RPS6KA5: variants seen among roughly 807,000 people sequenced by gnomAD.
RPS6KA5 encodes ribosomal protein S6 kinase A5, also known as ribosomal protein S6 kinase alpha-5.
A neutral mutation model predicts 85.5 loss-of-function variants in RPS6KA5; 27 were observed. That is an observed-to-expected ratio of 0.32 (90% CI 0.23 to 0.44). The LOEUF (loss-of-function observed/expected upper bound fraction) is 0.44, where lower values mean the gene tolerates loss of function less well. Among genes scored for constraint, RPS6KA5 ranks in the 20% least tolerant of loss-of-function variants. The pLI, the probability that RPS6KA5 is intolerant of heterozygous loss-of-function variation, is 1.00. For synonymous variants in RPS6KA5, 334 were observed against 348.2 expected (o/e 0.96, Z 0.46); for missense variants, 811 against 980.9 (o/e 0.83, Z 2.31).
Position 91,060,556 on chromosome 14 carries a change from G to C in RPS6KA5, c.-122C>G, listed in dbSNP as rs2043629347. The C allele has an allele frequency of 2.5e-6, 3 of 1,180,088 alleles. No individual in the cohort carries two copies. The highest frequency in any genetic ancestry group is 2.5e-4 in the Middle Eastern group (1 of 3,972). The allele number at this position is 1,180,088 out of a possible 1,614,324, so 73.1% of individuals were successfully genotyped here. ...TCGGGGTGCGGCGGCTCCAGAACTC[G>C]GACGCAAAGACGAGTCTCTTTCCCG... is the stretch of plus-strand genomic sequence containing the variant. On this transcript the variant is annotated 5_prime_UTR_variant, in exon 1 of 17. Coordinates refer to ENST00000614987, the MANE Select transcript of RPS6KA5 (RefSeq NM_004755.4).
chr14:90,910,422 G>C (rs2035739998), intron 7 of RPS6KA5, among the ~76,000 whole-genome samples: 1 of 152,098 alleles, frequency 6.6e-6, no homozygotes, highest in Non-Finnish European at 1.5e-5. Context: ...TACATAGGCA[G>C]ACAGGAAATA....
intron 3 of RPS6KA5, among the ~76,000 whole-genome samples, chr14:90,967,399 A>G (rs1303592640): frequency 6.6e-6 from 1 of 152,060 alleles, no homozygotes; most frequent in Non-Finnish European, 1.5e-5. Context: ...GGCATTTGTT[A>G]AATAATAACT....
rs568962451 is a variant in RPS6KA5, at chr14:90,974,004, C to T, written c.394+4302G>A. 2.5e-5 allele frequency among the ~76,000 whole-genome samples: 3 copies of T among 117,818 alleles called. No homozygotes were observed. The South Asian group carries it at 8.3e-4, about 33-fold the overall frequency. 77.3% of individuals were successfully genotyped at this position (117,818 alleles called of 152,430 possible). ...AGTGGGCCAAGATTGCACCACTGCA[C>T]TACAGTCAAGGTGACAGAGTGAGAC... is the stretch of plus-strand genomic sequence containing the variant. On this transcript the variant is annotated intron_variant, in intron 3 of 16. Coordinates refer to ENST00000614987, the MANE Select transcript of RPS6KA5 (RefSeq NM_004755.4).
At chr14:90,923,034 G>A (rs2036483471) in intron 6 of RPS6KA5, 79 bp downstream of exon 6, 1 of 1,027,894 alleles carries the variant, frequency 9.7e-7, no homozygotes, top group Non-Finnish European at 1.5e-6. Flanking sequence ...CTGTTGAAGA[G>A]ATGACCTAAG....
intron 4 of RPS6KA5, among the ~76,000 whole-genome samples, chr14:90,946,845 T>C (rs951429763): frequency 1.1e-4 from 17 of 152,338 alleles, no homozygotes; most frequent in African/African-American, 3.8e-4. Flanking sequence ...TTTCTTACAG[T>C]TTAAACTGAT....
chr14:90,862,387 G>T lies in RPS6KA5; in HGVS notation c.*9687C>A. The T allele has an allele frequency of 6.6e-6, 1 of 151,804 alleles. No homozygotes were observed. The highest frequency in any genetic ancestry group is 2.1e-4 in the South Asian group (1 of 4,826). The allele number at this position is 151,804 out of a possible 1,614,324, so 9.4% of individuals were successfully genotyped here. ...CAGAATAATCTTGATACCAAAACTTGACAAAAATATTAAAGACAGAAAAAT... is the reference window on the plus strand; with the variant it reads ...CAGAATAATCTTGATACCAAAACTTTACAAAAATATTAAAGACAGAAAAAT... On this transcript the variant is annotated 3_prime_UTR_variant, in exon 17 of 17. Coordinates refer to ENST00000614987, the MANE Select transcript of RPS6KA5 (RefSeq NM_004755.4).
chr14:91,024,807 T>G (rs1304531345), intron 1 of RPS6KA5, among the ~76,000 whole-genome samples: 1 of 152,228 alleles, frequency 6.6e-6, no homozygotes, highest in Non-Finnish European at 1.5e-5. Flanking sequence ...ACATTTTCTC[T>G]TTCTGAGAAT....
rs1288879700 is a variant in RPS6KA5, at chr14:90,855,996, A to G, written c.*16078T>C. On this transcript the variant is annotated 3_prime_UTR_variant, in exon 17 of 17. Coordinates refer to ENST00000614987, the MANE Select transcript of RPS6KA5 (RefSeq NM_004755.4). ...AAAGGCCGGTGCTCCCATTATTATA[A>G]TGAGTCCCAAAGTAAGAAATTAAAC... is the stretch of plus-strand genomic sequence containing the variant. 6.6e-6 allele frequency: 1 copy of G among 152,172 alleles called. No individual in the cohort carries two copies. The highest frequency in any genetic ancestry group is 1.5e-5 in the Non-Finnish European group (1 of 68,048). The allele number at this position is 152,172 out of a possible 1,614,324, so 9.4% of individuals were successfully genotyped here.
intron 1 of RPS6KA5, among the ~76,000 whole-genome samples, chr14:91,020,042 A>G (rs573417172): frequency 6.6e-6 from 1 of 152,342 alleles, no homozygotes; most frequent in African/African-American, 2.4e-5. Flanking sequence ...CTGGAGCACA[A>G]TGGCAAGTAT....
At chr14:90,927,256 C>T (rs141656601) in intron 5 of RPS6KA5, among the ~76,000 whole-genome samples, 15 of 151,780 alleles carry the variant, frequency 9.9e-5, no homozygotes, top group Non-Finnish European at 1.5e-4. Context: ...GACCATTAGG[C>T]GGACATGAAA....
intron 3 of RPS6KA5, among the ~76,000 whole-genome samples, chr14:90,952,854 C>G (rs1260092018): frequency 6.6e-6 from 1 of 152,212 alleles, no homozygotes; most frequent in Non-Finnish European, 1.5e-5. Flanking sequence ...GGCTCTCAAG[C>G]TCATTTATCC....
intron 1 of RPS6KA5, among the ~76,000 whole-genome samples, chr14:91,033,861 A>G (rs777769003): frequency 6.6e-6 from 1 of 152,206 alleles, no homozygotes; most frequent in Non-Finnish European, 1.5e-5. Flanking sequence ...AATAGGGAAA[A>G]AGAAAACTCA....
At chr14:90,944,280 G>A (rs562040008) in intron 4 of RPS6KA5, among the ~76,000 whole-genome samples, 1 of 152,236 alleles carries the variant, frequency 6.6e-6, no homozygotes, top group East Asian at 1.9e-4. Context: ...ATATGAGAAA[G>A]TTCTTAATAA....
chr14:90,906,820 C>A (rs2035531702), intron 7 of RPS6KA5, among the ~76,000 whole-genome samples: 2 of 151,766 alleles, frequency 1.3e-5, no homozygotes, highest in African/African-American at 4.8e-5. Flanking sequence ...GGGGTCAGAC[C>A]CACTTGGAGA....
chr14:90,964,639 T>C (rs1595354712), intron 3 of RPS6KA5, among the ~76,000 whole-genome samples: 1 of 152,092 alleles, frequency 6.6e-6, no homozygotes, highest in East Asian at 1.9e-4. Flanking sequence ...TGAGGCTGCA[T>C]GTGGTGGCTC....
At chr14:90,987,772 C>A (rs1006952113) in intron 2 of RPS6KA5, among the ~76,000 whole-genome samples, 2 of 152,126 alleles carry the variant, frequency 1.3e-5, no homozygotes, top group East Asian at 3.8e-4. Flanking sequence ...AAAGAGGACA[C>A]CAGGGACCAA....
chr14:91,057,043 C>G (rs1254789976), intron 1 of RPS6KA5, among the ~76,000 whole-genome samples: 1 of 151,374 alleles, frequency 6.6e-6, no homozygotes, highest in Non-Finnish European at 1.5e-5. Flanking sequence ...CCATGCCCAG[C>G]TAATTTTTTG....
intron 14 of RPS6KA5, among the ~76,000 whole-genome samples, chr14:90,885,904 T>C (rs1410643158): frequency 6.6e-6 from 1 of 151,910 alleles, no homozygotes; most frequent in Non-Finnish European, 1.5e-5. Context: ...ATATTGGTGA[T>C]AATATAAAAG....
chr14:90,983,847 T>C (rs12891136), intron 2 of RPS6KA5, among the ~76,000 whole-genome samples: 88,697 of 127,604 alleles, frequency 0.7, 29,475 homozygotes, highest in East Asian at 0.88. Context: ...CTCTTTCTTT[T>C]TTTCTTTCTT....
Sources: allele counts gnomAD v4.1 joint callset (sites outside exome capture counted in the v4.1 genomes callset), GRCh38; gene constraint gnomAD v4.1.1; transcripts MANE v1.5; gene names NCBI Gene and HGNC (gene_info 2026-07-23, HGNC 2026-07-21).